The following TMEM117 variants were observed in gnomAD, a reference collection of about 807,000 sequenced individuals.
The protein encoded by TMEM117 is transmembrane protein 117.
Under a neutral mutation model 52.4 loss-of-function variants are expected in TMEM117, and 27 were observed. That is an observed-to-expected ratio of 0.51 (90% CI 0.38 to 0.71). The LOEUF is 0.71. TMEM117 is among the 30% of genes least tolerant of loss of function. The probability of loss-of-function intolerance (pLI) is 0.00; values close to 1 mark genes in which losing one functional copy is unlikely to be tolerated. For synonymous variants in TMEM117, 215 were observed against 206.3 expected (o/e 1.04, Z -0.36); for missense variants, 556 against 630.5 (o/e 0.88, Z 1.26).
At chr12:44,336,406 C>T (rs906783946) in intron 6 of TMEM117, among the ~76,000 whole-genome samples, 1 of 152,002 alleles carries the variant, frequency 6.6e-6, no homozygotes, top group African/African-American at 2.4e-5. Flanking sequence ...TACATAGACA[C>T]ATACATCTAT....
intron 6 of TMEM117, among the ~76,000 whole-genome samples, chr12:44,355,199 T>C (rs993409435): frequency 2.6e-5 from 4 of 152,114 alleles, no homozygotes; most frequent in African/African-American, 9.6e-5. Flanking sequence ...TTCAGCTCTA[T>C]ATATTTATTT....
intron 3 of TMEM117, among the ~76,000 whole-genome samples, chr12:44,087,824 C>T (rs1283251343): frequency 6.6e-6 from 1 of 152,126 alleles, no homozygotes; most frequent in Non-Finnish European, 1.5e-5. Flanking sequence ...TTTTTCTCTG[C>T]CTCTCTAAAC....
intron 2 of TMEM117, among the ~76,000 whole-genome samples, chr12:43,855,456 A>T (rs1470215060): frequency 6.6e-6 from 1 of 152,154 alleles, no homozygotes; most frequent in African/African-American, 2.4e-5. Flanking sequence ...ATGATTTTTT[A>T]AAAATGCTGT....
chr12:44,080,035 A>G (rs1403421891), intron 3 of TMEM117, among the ~76,000 whole-genome samples: 2 of 149,128 alleles, frequency 1.3e-5, no homozygotes, highest in Non-Finnish European at 3.0e-5. Flanking sequence ...AAAAAAAAAA[A>G]GAGTGCATAT....
chr12:43,856,923 C>T (rs1304023153), intron 2 of TMEM117, among the ~76,000 whole-genome samples: 1 of 152,182 alleles, frequency 6.6e-6, no homozygotes, highest in African/African-American at 2.4e-5. Flanking sequence ...GAACACCCTT[C>T]TTCAGAGGGA....
chr12:44,247,827 GGT>G (rs1950149234), intron 5 of TMEM117, among the ~76,000 whole-genome samples: 1 of 152,170 alleles, frequency 6.6e-6, no homozygotes, highest in Non-Finnish European at 1.5e-5. Flanking sequence ...CTGGGGAGAG[GGT>G]GCTGTGATAG....
chr12:43,950,754 G>A (rs1467464308), intron 3 of TMEM117, among the ~76,000 whole-genome samples: 1 of 152,104 alleles, frequency 6.6e-6, no homozygotes, highest in Non-Finnish European at 1.5e-5. Context: ...ATTTTCCTCA[G>A]TATTTTGGCT....
intron 4 of TMEM117, among the ~76,000 whole-genome samples, chr12:44,167,864 C>T (rs1287096193): frequency 2.0e-5 from 3 of 152,156 alleles, no homozygotes; most frequent in Non-Finnish European, 4.4e-5. Context: ...GTGCCCAGCA[C>T]AGTCAGAACT....
At chr12:44,158,692 T>C (rs1040550100) in intron 4 of TMEM117, among the ~76,000 whole-genome samples, 2 of 152,056 alleles carry the variant, frequency 1.3e-5, no homozygotes, top group Non-Finnish European at 2.9e-5. Flanking sequence ...GGGTCTAGGG[T>C]GTTTTAGTAC....
chr12:44,201,428 A>G (rs1300343434), intron 4 of TMEM117, among the ~76,000 whole-genome samples: 1 of 152,178 alleles, frequency 6.6e-6, no homozygotes, highest in Non-Finnish European at 1.5e-5. Flanking sequence ...TGGAAAATAG[A>G]AGTCATGGAT....
chr12:43,806,540 G>C, the TMEM117 span, among the ~76,000 whole-genome samples: 1 of 152,148 alleles, frequency 6.6e-6, no homozygotes, highest in Non-Finnish European at 1.5e-5. Flanking sequence ...ACATGCCGCA[G>C]AATCTAGACT....
intron 2 of TMEM117, among the ~76,000 whole-genome samples, chr12:43,889,271 C>T (rs151054415): frequency 0.015 from 2,344 of 152,156 alleles, 41 homozygotes; most frequent in South Asian, 0.055. Flanking sequence ...TTAGTAAAGA[C>T]GGGGTTTCAC....
chr12:44,369,879 G>A (rs748339653), intron 6 of TMEM117, among the ~76,000 whole-genome samples: 2 of 152,058 alleles, frequency 1.3e-5, no homozygotes, highest in African/African-American at 4.8e-5. Context: ...GCCCTTGAAG[G>A]GAAAAACAAC....
intron 3 of TMEM117, among the ~76,000 whole-genome samples, chr12:43,984,528 T>C (rs1179898225): frequency 6.6e-6 from 1 of 152,206 alleles, no homozygotes; most frequent in Non-Finnish European, 1.5e-5. Context: ...TTAATCTCCT[T>C]TTATCAGTAT....
At chr12:43,925,309 T>A (rs1039245931) in intron 2 of TMEM117, among the ~76,000 whole-genome samples, 3 of 152,150 alleles carry the variant, frequency 2.0e-5, no homozygotes, top group Non-Finnish European at 4.4e-5. Context: ...AAATTTTTTT[T>A]TTTTTGTTAA....
At chr12:43,863,786 C>G (rs1943531568) in intron 2 of TMEM117, among the ~76,000 whole-genome samples, 1 of 152,230 alleles carries the variant, frequency 6.6e-6, no homozygotes, top group Non-Finnish European at 1.5e-5. Context: ...GGCCTCAGCG[C>G]CCATTCTGGC....
At chr12:43,893,574 A>G (rs976903799) in intron 2 of TMEM117, among the ~76,000 whole-genome samples, 5 of 152,318 alleles carry the variant, frequency 3.3e-5, no homozygotes, top group South Asian at 2.1e-4. Flanking sequence ...TCTTACCTCC[A>G]TGATTCATTA....
At chr12:44,262,677 C>T (rs1950333540) in intron 5 of TMEM117, among the ~76,000 whole-genome samples, 1 of 152,168 alleles carries the variant, frequency 6.6e-6, no homozygotes, top group Admixed American at 6.5e-5. Flanking sequence ...CGCTCTGCAT[C>T]CTGGGTTCAA....
chr12:44,152,049 C>CATATATTTATATTATAGATATAAT lies in TMEM117; in HGVS notation c.510+8442_510+8465dup, dbSNP rs1165227190. 2.5e-3 allele frequency among the ~76,000 whole-genome samples: 269 copies of CATATATTTATATTATAGATATAAT among 109,590 alleles called. 1 individual carries two copies. Among genetic ancestry groups the CATATATTTATATTATAGATATAAT allele is most frequent in the African/African-American group, 9.4e-3 (252 of 26,882 alleles). The allele number at this position is 109,590 out of a possible 152,430, so 71.9% of individuals were successfully genotyped here. On this transcript the variant is annotated intron_variant, in intron 4 of 7. Coordinates refer to ENST00000266534, the MANE Select transcript of TMEM117 (RefSeq NM_032256.3). ...AATATGTAATATATATTATATTAAT[C>CATATATTTATATTATAGATATAAT]ATATATTTATATTATAGATATAATA...
Sources: allele counts gnomAD v4.1 joint callset (sites outside exome capture counted in the v4.1 genomes callset), GRCh38; gene constraint gnomAD v4.1.1; transcripts MANE v1.5; gene names NCBI Gene and HGNC (gene_info 2026-07-23, HGNC 2026-07-21).